Variants in RALY observed in about 807,000 individuals in gnomAD.
RALY encodes the protein RALY heterogeneous nuclear ribonucleoprotein.
Under a neutral mutation model 30.7 loss-of-function variants are expected in RALY, and 15 were observed. That is an observed-to-expected ratio of 0.49 (90% CI 0.33 to 0.75). The LOEUF (loss-of-function observed/expected upper bound fraction) is 0.75. RALY is among the 30% of genes least tolerant of loss of function. RALY has a pLI of 0.02. For synonymous variants in RALY, 177 were observed against 170.8 expected (o/e 1.04, Z -0.28); for missense variants, 339 against 414.3 (o/e 0.82, Z 1.58).
At chr20:34,057,078 G>A (rs1444511812) in intron 2 of RALY, among the ~76,000 whole-genome samples, 1 of 152,180 alleles carries the variant, frequency 6.6e-6, no homozygotes, top group Non-Finnish European at 1.5e-5. Flanking sequence ...AAGCAGTAGT[G>A]TAAAAAATGA....
chr20:34,007,979 T>TA (rs996235769), intron 1 of RALY, among the ~76,000 whole-genome samples: 4 of 152,096 alleles, frequency 2.6e-5, no homozygotes. Flanking sequence ...TGCAAGACCA[T>TA]ATGCTATTTC....
chr20:34,058,005 C>A (rs2033304523), intron 2 of RALY, among the ~76,000 whole-genome samples: 1 of 152,092 alleles, frequency 6.6e-6, no homozygotes, highest in South Asian at 2.1e-4. Context: ...ACACCTATTA[C>A]AGTTTTGGAG....
At chr20:34,023,019 G>C (rs1279934503) in intron 1 of RALY, among the ~76,000 whole-genome samples, 1 of 152,160 alleles carries the variant, frequency 6.6e-6, no homozygotes, top group African/African-American at 2.4e-5. Context: ...CTGGCAGTCA[G>C]TCTGACTGCT....
chr20:34,002,296 GTTAC>G lies in RALY; in HGVS notation c.-93+8169_-93+8172del, dbSNP rs151117591. Reference sequence around the variant, plus strand: ...TTACTAAAATTAGGGTTCAGAGGAAGTTACTTAGTTGCCGTGGCATGATTATTTA... The same window carrying G: ...TTACTAAAATTAGGGTTCAGAGGAAGTTAGTTGCCGTGGCATGATTATTTA... On this transcript the variant is annotated intron_variant, in intron 1 of 9. Transcript: ENST00000246194. 6.9e-3 allele frequency among the ~76,000 whole-genome samples: 1,045 copies of G among 152,254 alleles called. 12 individuals are homozygous for G. Among genetic ancestry groups the G allele is most frequent in the East Asian group, 0.057 (296 of 5,184 alleles).
Position 34,075,894 on chromosome 20 carries a change from G to A in RALY, c.398G>A (p.Arg133His), listed in dbSNP as rs1306836039. ...FYDRLFDYRG[R>H]LSPVPVPRAV... ...CACAGGCTCTTCGACTACCGGGGCC[G>A]TCTGTCGCCCGTGCCAGTGCCCAGG... The change falls in exon 6 of 10, where the codon CGT becomes CAT. Residue 133 changes from arginine (R) to histidine (H), a missense_variant. Physicochemically the swap from Arg to His is conservative, Grantham distance 29. Transcript: ENST00000246194. 8.1e-6 allele frequency: 13 copies of A among 1,613,610 alleles called. No homozygotes were observed. Among genetic ancestry groups the A allele is most frequent in the East Asian group, 4.5e-5 (2 of 44,868 alleles).
chr20:34,046,633 A>G (rs948186923), intron 2 of RALY, among the ~76,000 whole-genome samples: 1 of 152,166 alleles, frequency 6.6e-6, no homozygotes, highest in Admixed American at 6.5e-5. Context: ...AAGTGATTCC[A>G]TAGTTGTCTC....
intron 3 of RALY, among the ~76,000 whole-genome samples, 160 bp downstream of exon 3, chr20:34,072,490 T>C (rs1000124309): frequency 6.6e-6 from 1 of 152,240 alleles, no homozygotes; most frequent in African/African-American, 2.4e-5. Flanking sequence ...ATAAAATTAA[T>C]CCCTATAGGG....
At chr20:34,063,712 A>G (rs2033484313) in intron 2 of RALY, among the ~76,000 whole-genome samples, 1 of 152,206 alleles carries the variant, frequency 6.6e-6, no homozygotes, top group Non-Finnish European at 1.5e-5. Context: ...CTCTATGTAC[A>G]GGAGGAAGAG....
intron 1 of RALY, among the ~76,000 whole-genome samples, chr20:34,030,801 A>C (rs184042543): frequency 7.1e-4 from 108 of 152,208 alleles, no homozygotes; most frequent in African/African-American, 2.3e-3. Context: ...TTGTTCCTTA[A>C]ACATACCAAG....
chr20:34,063,299 T>TA (rs2033469807), intron 2 of RALY, among the ~76,000 whole-genome samples: 1 of 152,174 alleles, frequency 6.6e-6, no homozygotes, highest in African/African-American at 2.4e-5. Flanking sequence ...ACCTAGGTCA[T>TA]ATGGCATGTC....
chr20:34,077,098 C>T lies in RALY; in HGVS notation c.729C>T (p.Gly243=). ...GGGGGGSGGG[G]SGGGGGGGSS... is the part of the protein sequence containing the mutation. The stretch of plus-strand genomic sequence containing the variant: ...GTGGTGGTGGCAGCGGTGGCGGTGG[C>T]AGTGGTGGTGGCGGTGGCGGTGGCA... The change falls in exon 8 of 10, where the codon GGC becomes GGT. Residue 243 remains glycine (G), a synonymous_variant. Transcript: ENST00000246194. 1.2e-6 allele frequency: 2 copies of T among 1,604,886 alleles called. No individual in the cohort carries two copies. Among genetic ancestry groups the T allele is most frequent in the Non-Finnish European group, 1.7e-6 (2 of 1,175,494 alleles).
At chr20:34,029,544 GA>G (rs11167224) in intron 1 of RALY, among the ~76,000 whole-genome samples, 123,788 of 134,982 alleles carry the variant, frequency 0.92, 56,956 homozygotes, top group East Asian at 1. Flanking sequence ...TAGAGGGGGA[GA>G]AAAAAAAAAC....
In RALY at chr20:34,076,918, C is replaced by T. The variant is rs904097861; in HGVS notation, c.658+103C>T. 45 of 1,592,796 alleles carry T rather than the reference C, an allele frequency of 2.8e-5. No individual in the cohort carries two copies. In the East Asian group the frequency reaches 8.0e-4, roughly 28 times the overall value. On this transcript the variant is annotated intron_variant, in intron 7 of 9. Coordinates refer to ENST00000246194, the MANE Select transcript of RALY (RefSeq NM_016732.3). ...AGGAGCTAGGGTGGCCCTGCAGATC[C>T]TGGACCACCTGCACTCACCATGCTG...
chr20:34,069,469 C>T (rs2033666944), intron 2 of RALY, among the ~76,000 whole-genome samples: 2 of 152,192 alleles, frequency 1.3e-5, no homozygotes, highest in Admixed American at 1.3e-4. Flanking sequence ...TCTATCCACA[C>T]CCCAGGCTTG....
chr20:34,029,227 T>C (rs1010256372), intron 1 of RALY, among the ~76,000 whole-genome samples: 4 of 151,920 alleles, frequency 2.6e-5, no homozygotes, highest in African/African-American at 9.7e-5. Context: ...CACCTGAGGT[T>C]GGGAGCTTGA....
chr20:34,054,410 G>A (rs2033175342), intron 2 of RALY, among the ~76,000 whole-genome samples: 1 of 152,214 alleles, frequency 6.6e-6, no homozygotes, highest in South Asian at 2.1e-4. Context: ...AGAGGAGTGA[G>A]TGGCTGGATC....
intron 1 of RALY, among the ~76,000 whole-genome samples, chr20:34,020,764 A>G (rs1172123281): frequency 6.6e-6 from 1 of 152,204 alleles, no homozygotes; most frequent in African/African-American, 2.4e-5. Flanking sequence ...CTATACAGAA[A>G]AAGTTTGCTG....
In RALY at chr20:33,994,072, G is replaced by C. The variant is rs932867107; in HGVS notation, c.-152G>C. On this transcript the variant is annotated 5_prime_UTR_variant, in exon 1 of 10. Transcript: ENST00000246194. ...CTTTTCCTCCCTCCCTTACGTCCCC[G>C]AGTGCGGCAGTACCGCCTCCTTCCC... 6.6e-6 allele frequency: 1 copy of C among 152,250 alleles called. No homozygotes were observed. The highest frequency in any genetic ancestry group is 1.5e-5 in the Non-Finnish European group (1 of 68,094). 9.4% of individuals were successfully genotyped at this position (152,250 alleles called of 1,614,324 possible). A position where few individuals can be genotyped will look rare whatever the true frequency, so the allele number is the denominator to read the frequency against.
At chr20:34,042,185 A>C (rs1208416038) in intron 2 of RALY, among the ~76,000 whole-genome samples, 2 of 152,146 alleles carry the variant, frequency 1.3e-5, no homozygotes, top group African/African-American at 4.8e-5. Context: ...CAAGAGGCCT[A>C]GTAGCTCAGC....
Sources: allele counts gnomAD v4.1 joint callset (sites outside exome capture counted in the v4.1 genomes callset), GRCh38; gene constraint gnomAD v4.1.1; transcripts MANE v1.5; gene names NCBI Gene and HGNC (gene_info 2026-07-23, HGNC 2026-07-21).